The following TJP1 variants were observed in gnomAD, a reference collection of about 807,000 sequenced individuals.
The protein encoded by TJP1 is tight junction protein 1, also known as tight junction protein ZO-1.
Under a neutral mutation model 194.2 loss-of-function variants are expected in TJP1, and 43 were observed. That is an observed-to-expected ratio of 0.22 (90% CI 0.17 to 0.29). The LOEUF is 0.29. Among genes scored for constraint, TJP1 ranks in the 10% least tolerant of loss-of-function variants. The pLI is 1.00. For missense variants in TJP1, 1,971 were observed against 2,185.7 expected (o/e 0.90, Z 1.96); for synonymous variants, 801 against 779.0 (o/e 1.03, Z -0.47).
intron 2 of TJP1, among the ~76,000 whole-genome samples, chr15:29,793,648 CAT>C (rs1325319084): frequency 2.0e-5 from 3 of 152,132 alleles, no homozygotes; most frequent in African/African-American, 7.2e-5. Flanking sequence ...AATCAGATCT[CAT>C]GAGAACTCAC....
At chr15:29,900,884 AG>A (rs1170439431) in intron 2 of TJP1, among the ~76,000 whole-genome samples, 1 of 152,166 alleles carries the variant, frequency 6.6e-6, no homozygotes, top group Non-Finnish European at 1.5e-5. Flanking sequence ...CATCCTTTAT[AG>A]TACAAGCTTC....
intron 1 of TJP1, among the ~76,000 whole-genome samples, chr15:29,811,289 C>T (rs573305045): frequency 1.3e-5 from 2 of 151,768 alleles, no homozygotes; most frequent in African/African-American, 4.8e-5. Flanking sequence ...GTGTGTGTAG[C>T]GGGGCGGGGG....
At chr15:29,954,731 A>G (rs1311428678) in intron 2 of TJP1, among the ~76,000 whole-genome samples, 1 of 152,218 alleles carries the variant, frequency 6.6e-6, no homozygotes, top group Non-Finnish European at 1.5e-5. Flanking sequence ...TTATTTTAGT[A>G]AAAATGTAAA....
chr15:29,949,657 C>CACCACAACCATCTTCACCACTGCT (rs2055543514), intron 2 of TJP1, among the ~76,000 whole-genome samples: 1 of 126,962 alleles, frequency 7.9e-6, no homozygotes, highest in Non-Finnish European at 1.7e-5. Flanking sequence ...CCACCACCTC[C>CACCACAACCATCTTCACCACTGCT]ACCTCCACAA....
intron 8 of TJP1, among the ~76,000 whole-genome samples, chr15:29,746,616 TCTA>T (rs1385497967): frequency 6.6e-6 from 1 of 152,046 alleles, no homozygotes; most frequent in Non-Finnish European, 1.5e-5. Context: ...TACAGTTATC[TCTA>T]CTATTTCAAC....
chr15:29,890,205 G>C (rs1055513354), intron 2 of TJP1, among the ~76,000 whole-genome samples: 4 of 152,142 alleles, frequency 2.6e-5, no homozygotes, highest in African/African-American at 9.7e-5. Flanking sequence ...GACGGGGTGG[G>C]ATCCCGCTGC....
At chr15:29,746,649 TTATAA>T (rs1267803613) in intron 8 of TJP1, among the ~76,000 whole-genome samples, 2 of 151,952 alleles carry the variant, frequency 1.3e-5, no homozygotes, top group African/African-American at 4.8e-5. Flanking sequence ...AATTTACTTA[TTATAA>T]TAAAGATTGA....
chr15:29,843,322 T>A (rs1182049427), intron 2 of TJP1, among the ~76,000 whole-genome samples: 1 of 152,134 alleles, frequency 6.6e-6, no homozygotes, highest in Non-Finnish European at 1.5e-5. Flanking sequence ...CTGAGTTAGC[T>A]GGGATTACAG....
chr15:29,777,429 C>T (rs1046501323), intron 2 of TJP1, among the ~76,000 whole-genome samples: 6 of 152,036 alleles, frequency 3.9e-5, no homozygotes, highest in Admixed American at 6.6e-5. Context: ...TAGGAGTCCA[C>T]AGACCATACT....
chr15:29,849,380 AC>A (rs1031007208), intron 2 of TJP1, among the ~76,000 whole-genome samples: 1 of 146,856 alleles, frequency 6.8e-6, no homozygotes, highest in Non-Finnish European at 1.5e-5. Flanking sequence ...CTCACCCCGC[AC>A]CCCCCACTGT....
At chr15:29,930,679 G>GCC (rs1398554155) in intron 2 of TJP1, among the ~76,000 whole-genome samples, 1 of 152,164 alleles carries the variant, frequency 6.6e-6, no homozygotes, top group Non-Finnish European at 1.5e-5. Flanking sequence ...AGATAAGGGT[G>GCC]CCCACTATCA....
chr15:29,949,601 A>C (rs2055522859), intron 2 of TJP1, among the ~76,000 whole-genome samples: 1 of 62,848 alleles, frequency 1.6e-5, no homozygotes. Context: ...CACAACCACC[A>C]CCTCCACCTT....
chr15:29,702,885 T>C (rs1203032042), intron 27 of TJP1, among the ~76,000 whole-genome samples: 1 of 152,156 alleles, frequency 6.6e-6, no homozygotes, highest in Non-Finnish European at 1.5e-5. Flanking sequence ...ATCTGATTTA[T>C]CAAAGATTTG....
At chr15:29,944,391 G>A (rs773459067) in intron 2 of TJP1, among the ~76,000 whole-genome samples, 7 of 152,056 alleles carry the variant, frequency 4.6e-5, no homozygotes, top group South Asian at 4.1e-4. Context: ...CACCGCGCCC[G>A]GCCTTGACTT....
At chr15:29,777,770 C>A (rs1160095873) in intron 2 of TJP1, among the ~76,000 whole-genome samples, 2 of 152,150 alleles carry the variant, frequency 1.3e-5, no homozygotes, top group African/African-American at 4.8e-5. Context: ...GATACACATA[C>A]CTCTCTCACA....
chr15:29,907,013 A>G (rs2152213211), intron 2 of TJP1, among the ~76,000 whole-genome samples: 1 of 152,370 alleles, frequency 6.6e-6, no homozygotes, highest in African/African-American at 2.4e-5. Context: ...GCAAAATATT[A>G]TCTAACAATT....
At chr15:29,810,340 TAAA>T (rs1394021274) in intron 1 of TJP1, among the ~76,000 whole-genome samples, 1 of 152,154 alleles carries the variant, frequency 6.6e-6, no homozygotes, top group African/African-American at 2.4e-5. Context: ...ATTTTCCACT[TAAA>T]AGAAGGTAAC....
chr15:29,953,624 T>G (rs2055837316), intron 2 of TJP1, among the ~76,000 whole-genome samples: 2 of 152,238 alleles, frequency 1.3e-5, no homozygotes, highest in South Asian at 4.2e-4. Context: ...GAAAATCAGT[T>G]ATTGCTTTTC....
intron 8 of TJP1, among the ~76,000 whole-genome samples, chr15:29,747,083 G>A (rs1234731907): frequency 1.3e-5 from 2 of 152,120 alleles, no homozygotes; most frequent in African/African-American, 2.4e-5. Context: ...TCAGGAGTTC[G>A]AGATCAGCCT....
Sources: allele counts gnomAD v4.1 joint callset (sites outside exome capture counted in the v4.1 genomes callset), GRCh38; gene constraint gnomAD v4.1.1; transcripts MANE v1.5; gene names NCBI Gene and HGNC (gene_info 2026-07-23, HGNC 2026-07-21).